The following ZNF420 variants were observed in gnomAD, a reference collection of about 807,000 sequenced individuals.
The protein encoded by ZNF420 is ATM and p53-associated KZNF protein.
ZNF420 carries 31 observed loss-of-function variants against 44.7 expected under a neutral mutation model. The ratio of observed to expected loss-of-function variants is 0.69; its 90% CI spans 0.52 to 0.94. The LOEUF (loss-of-function observed/expected upper bound fraction) is 0.94, where lower values mean the gene tolerates loss of function less well. Among genes scored for constraint, ZNF420 ranks in the 40% least tolerant of loss-of-function variants. The pLI is 0.00. For missense variants in ZNF420, 681 were observed against 827.9 expected, an observed-to-expected ratio of 0.82 and a Z score of 2.18; for synonymous variants, 245 against 267.4, an observed-to-expected ratio of 0.92 and a Z score of 0.82.
intron 4 of ZNF420, among the ~76,000 whole-genome samples, chr19:37,123,307 G>A (rs552458580): frequency 2.6e-5 from 4 of 152,196 alleles, no homozygotes; most frequent in Non-Finnish European, 5.9e-5. Context: ...AGTAAAAGTC[G>A]ATTTTTTAAA....
chr19:37,035,479 G>A (rs1032775423), intron 1 of ZNF420, among the ~76,000 whole-genome samples: 4 of 152,126 alleles, frequency 2.6e-5, no homozygotes, highest in Admixed American at 6.6e-5. Context: ...GATTACAGGC[G>A]TTGGCCACCA....
intron 4 of ZNF420, among the ~76,000 whole-genome samples, chr19:37,119,008 C>T (rs1970861953): frequency 6.6e-6 from 1 of 152,130 alleles, no homozygotes; most frequent in Non-Finnish European, 1.5e-5. Flanking sequence ...TAGACTCCCA[C>T]ACAATAATAA....
At chr19:37,123,727 C>T (rs917889546) in intron 4 of ZNF420, among the ~76,000 whole-genome samples, 1 of 150,776 alleles carries the variant, frequency 6.6e-6, no homozygotes. Flanking sequence ...CTCAGCCTCC[C>T]GAGTAGCTGG....
chr19:37,084,266 G>A (rs773678498), intron 2 of ZNF420, among the ~76,000 whole-genome samples: 13 of 152,032 alleles, frequency 8.6e-5, no homozygotes, highest in Non-Finnish European at 1.8e-4. Flanking sequence ...TAAAGTTCCC[G>A]AAAATAATCA....
intron 1 of ZNF420, among the ~76,000 whole-genome samples, chr19:37,072,235 G>A (rs754269015): frequency 6.6e-6 from 1 of 152,144 alleles, no homozygotes; most frequent in Admixed American, 6.5e-5. Flanking sequence ...CTTGCATATC[G>A]TAAAAGATAA....
chr19:37,086,938 T>C (rs1968821896), intron 2 of ZNF420, among the ~76,000 whole-genome samples: 1 of 152,172 alleles, frequency 6.6e-6, no homozygotes, highest in East Asian at 1.9e-4. Context: ...CTATTATTAA[T>C]ACAATTTAGT....
chr19:37,061,098 C>T (rs926454451), intron 1 of ZNF420, among the ~76,000 whole-genome samples: 1 of 152,176 alleles, frequency 6.6e-6, no homozygotes, highest in African/African-American at 2.4e-5. Context: ...TGCCCCCCTT[C>T]CTCCGGAACA....
At chr19:37,107,060 A>ACTGAGACATT (rs1970130637) in intron 4 of ZNF420, 1 of 152,224 alleles carries the variant, frequency 6.6e-6, no homozygotes, top group Non-Finnish European at 1.5e-5. Context: ...TGGGTTTTAC[A>ACTGAGACATT]CTGAGACATT....
intron 1 of ZNF420, among the ~76,000 whole-genome samples, chr19:37,025,795 GAGACAAGGTCTC>G (rs1967147547): frequency 8.1e-6 from 1 of 122,778 alleles, no homozygotes. Context: ...TTTTTTTTAA[GAGACAAGGTCTC>G]GCTCTGTTGC....
chr19:37,091,108 C>A lies in ZNF420; in HGVS notation c.123C>A (p.Asn41Lys). The change falls in exon 4 of 5, where the codon AAC becomes AAA. Residue 41 changes from asparagine to lysine, a missense_variant. Physicochemically the swap from Asn to Lys is moderately conservative, Grantham distance 94. This residue lies in a region of ZNF420 where 350 missense variants were observed against 382.5 expected (regional missense o/e 0.92). Coordinates refer to ENST00000337995, the MANE Select transcript of ZNF420 (RefSeq NM_144689.5). Reference protein sequence around the residue: ...YRDVMLENYSNLVSLDLPSRC... With the variant: ...YRDVMLENYSKLVSLDLPSRC... ...ATGTGATGTTGGAGAACTATAGCAA[C>A]TTGGTATCACTAGGTAAGGAATCTA... 6.3e-7 allele frequency: 1 copy of A among 1,589,188 alleles called. No individual in the cohort carries two copies. The highest frequency in any genetic ancestry group is 1.4e-5 in the African/African-American group (1 of 73,732).
intron 1 of ZNF420, among the ~76,000 whole-genome samples, chr19:37,052,106 C>A (rs1282598188): frequency 6.6e-6 from 1 of 152,042 alleles, no homozygotes; most frequent in Non-Finnish European, 1.5e-5. Context: ...GATCCCTTTA[C>A]CATTATGTAA....
intron 4 of ZNF420, among the ~76,000 whole-genome samples, chr19:37,121,353 T>C (rs1296777442): frequency 6.8e-6 from 1 of 147,380 alleles, no homozygotes; most frequent in Non-Finnish European, 1.5e-5. Flanking sequence ...TTGACAAACC[T>C]GACAAAAACA....
chr19:37,020,018 A>C (rs2074635825), intron 1 of ZNF420, among the ~76,000 whole-genome samples: 1 of 151,912 alleles, frequency 6.6e-6, no homozygotes, highest in Non-Finnish European at 1.5e-5. Flanking sequence ...GAGATCGAGA[A>C]CATCCTGGCT....
intron 1 of ZNF420, among the ~76,000 whole-genome samples, chr19:37,027,756 G>A (rs1404919134): frequency 6.6e-6 from 1 of 152,116 alleles, no homozygotes; most frequent in African/African-American, 2.4e-5. Context: ...ATGCCTTGGT[G>A]GTTCATTTCT....
intron 4 of ZNF420, among the ~76,000 whole-genome samples, chr19:37,106,485 A>G (rs1171120565): frequency 6.6e-6 from 1 of 152,168 alleles, no homozygotes; most frequent in East Asian, 1.9e-4. Flanking sequence ...TATTCTGCCA[A>G]AACTATTATT....
chr19:37,051,954 C>G (rs1262019823), intron 1 of ZNF420, among the ~76,000 whole-genome samples: 1 of 152,052 alleles, frequency 6.6e-6, no homozygotes. Flanking sequence ...AACATGTTGA[C>G]AGTGGGGTGT....
intron 1 of ZNF420, among the ~76,000 whole-genome samples, chr19:37,049,629 T>G (rs983009185): frequency 2.0e-5 from 3 of 152,234 alleles, no homozygotes; most frequent in African/African-American, 7.2e-5. Context: ...CTTTGTCAGA[T>G]GAGCAGGTTG....
At chr19:37,047,778 G>T (rs777094855) in intron 1 of ZNF420, among the ~76,000 whole-genome samples, 1 of 152,146 alleles carries the variant, frequency 6.6e-6, no homozygotes, top group Non-Finnish European at 1.5e-5. Context: ...CTGCAGCAAC[G>T]TAAGTATTAA....
At chr19:37,079,844 A>T (rs1466257669) in intron 1 of ZNF420, among the ~76,000 whole-genome samples, 1 of 152,030 alleles carries the variant, frequency 6.6e-6, no homozygotes, top group Non-Finnish European at 1.5e-5. Flanking sequence ...AAAATACAAA[A>T]TTAGCTGGGC....
Sources: allele counts gnomAD v4.1 joint callset (sites outside exome capture counted in the v4.1 genomes callset), GRCh38; gene constraint gnomAD v4.1.1; regional missense constraint gnomAD v4.1.1; transcripts MANE v1.5; gene names NCBI Gene and HGNC (gene_info 2026-07-23, HGNC 2026-07-21).